Variants in ESRP1 observed in about 807,000 individuals in gnomAD.
ESRP1 encodes epithelial splicing regulatory protein 1.
ESRP1 carries 33 observed loss-of-function variants against 81.7 expected under a neutral mutation model. The ratio of observed to expected loss-of-function variants is 0.40; its 90% confidence interval spans 0.31 to 0.54. The LOEUF (loss-of-function observed/expected upper bound fraction) is 0.54, where lower values mean the gene tolerates loss of function less well. Ranked by LOEUF, ESRP1 falls within the 20% of genes least tolerant of loss-of-function variation. The pLI, the probability that ESRP1 is intolerant of heterozygous loss-of-function variation, is 0.41. For synonymous variants in ESRP1, 320 were observed against 303.3 expected, an observed-to-expected ratio of 1.06 and a Z score of -0.57; for missense variants, 672 against 833.1, an observed-to-expected ratio of 0.81 and a Z score of 2.38.
Position 94,667,982 on chromosome 8 carries a change from A to G in ESRP1, c.965A>G (p.Lys322Arg). ...AATGAGGTAGCCCAGTTTCTCTCCA[A>G]GGAAAATCAAGTCATTGTCCGCATG... The part of the protein sequence containing the change: ...TSNEVAQFLS[K>R]ENQVIVRMRG... Residue 322 changes from lysine (K) to arginine (R), a missense_variant, in exon 10 of 16, where the codon AAG becomes AGG. Coordinates refer to ENST00000433389, the MANE Select transcript of ESRP1 (RefSeq NM_017697.4). 6.2e-7 allele frequency: 1 copy of G among 1,608,202 alleles called. No homozygotes were observed. Among genetic ancestry groups the G allele is most frequent in the Non-Finnish European group, 8.5e-7 (1 of 1,176,716 alleles).
At position 94,696,894 on chromosome 8, in the gene ESRP1, A is replaced by C; in HGVS notation, c.2014A>C (p.Arg672=). ...DGLIHTNDQA[R]TLPKEWVCI Reference sequence around the variant, plus strand: ...ACTTATACACACAAATGACCAGGCCAGGACTCTACCCAAAGAATGGGTTTG... The same window carrying C: ...ACTTATACACACAAATGACCAGGCCCGGACTCTACCCAAAGAATGGGTTTG... Residue 672 remains arginine (R), a synonymous_variant, in exon 15 of 16, where the codon AGG becomes CGG. Transcript: ENST00000433389. 6.3e-7 allele frequency: 1 copy of C among 1,595,882 alleles called. No individual in the cohort carries two copies. Among genetic ancestry groups the C allele is most frequent in the Non-Finnish European group, 8.5e-7 (1 of 1,170,468 alleles).
At chr8:94,661,712 G>C (rs1818756712) in intron 4 of ESRP1, among the ~76,000 whole-genome samples, 1 of 152,160 alleles carries the variant, frequency 6.6e-6, no homozygotes, top group South Asian at 2.1e-4. Flanking sequence ...TTGCTGTCTA[G>C]AACTAGCATC....
At chr8:94,678,166 C>A in intron 12 of ESRP1, 37 bp from the exon 13 acceptor site, 1 of 1,607,634 alleles carries the variant, frequency 6.2e-7, no homozygotes, top group Non-Finnish European at 8.5e-7. Context: ...TCAGCTGTTA[C>A]AAATATGTCT....
chr8:94,653,636 T>G (rs898852005), intron 4 of ESRP1, among the ~76,000 whole-genome samples: 6 of 152,214 alleles, frequency 3.9e-5, no homozygotes, highest in Non-Finnish European at 5.9e-5. Flanking sequence ...GAGGTAGACC[T>G]TTCAAAGCAT....
At chr8:94,702,778 C>T (rs1317285441) in intron 15 of ESRP1, among the ~76,000 whole-genome samples, 1 of 152,124 alleles carries the variant, frequency 6.6e-6, no homozygotes, top group Admixed American at 6.6e-5. Flanking sequence ...CCGCCACGCC[C>T]AGCCTTCAAG....
intron 13 of ESRP1, among the ~76,000 whole-genome samples, chr8:94,684,623 T>C (rs12678311): frequency 0.31 from 47,310 of 152,026 alleles, 8,781 homozygotes; most frequent in East Asian, 0.56. Flanking sequence ...GATAATTAGA[T>C]TTTTCTGCAG....
At chr8:94,674,655 T>C (rs1399272325) in intron 12 of ESRP1, 149 bp downstream of exon 12, 2 of 652,226 alleles carry the variant, frequency 3.1e-6, no homozygotes, top group Non-Finnish European at 5.1e-6. Context: ...TAGTACCTGG[T>C]AATCATTTAA....
chr8:94,704,663 G>A (rs1415122668), intron 15 of ESRP1, among the ~76,000 whole-genome samples: 1 of 150,944 alleles, frequency 6.6e-6, no homozygotes, highest in Non-Finnish European at 1.5e-5. Flanking sequence ...TCAGGAGGCC[G>A]AGGTGGAGGA....
At position 94,674,390 on chromosome 8, in the gene ESRP1, A is replaced by T; in HGVS notation, c.1535A>T (p.Asn512Ile). The change falls in exon 12 of 16, where the codon AAC becomes ATC. Residue 512 changes from asparagine (N) to isoleucine (I), a missense_variant. Coordinates refer to ENST00000433389, the MANE Select transcript of ESRP1 (RefSeq NM_017697.4). ...GCTGCACAGAAGTGTCATAAAAAAA[A>T]CATGAAGGACAGATATGTTGAAGTC... ...FMAAQKCHKK[N>I]MKDRYVEVFQ... 1 of 1,614,026 alleles carries T rather than the reference A, an allele frequency of 6.2e-7. No individual in the cohort carries two copies. The highest frequency in any genetic ancestry group is 8.5e-7 in the Non-Finnish European group (1 of 1,179,890).
rs1222486400 is a variant in ESRP1, at chr8:94,642,036, C to T, written c.213C>T (p.Asp71=). 2 of 1,613,682 alleles carry T rather than the reference C, an allele frequency of 1.2e-6. No homozygotes were observed. Among genetic ancestry groups the T allele is most frequent in the African/African-American group, 1.3e-5 (1 of 74,948 alleles). The change falls in exon 2 of 16, where the codon GAC becomes GAT. Residue 71 remains aspartate, a synonymous_variant. Coordinates refer to ENST00000433389, the MANE Select transcript of ESRP1 (RefSeq NM_017697.4). ...ACTGCAAAGAAGAAACTAAAATAGACGTCGAAAGCCTGTCCTCGGCGTCGC... is the reference window on the plus strand; with the variant it reads ...ACTGCAAAGAAGAAACTAAAATAGATGTCGAAAGCCTGTCCTCGGCGTCGC... ...TEDCKEETKI[D]VESLSSASQL...
chr8:94,666,523 G>C (rs1042507722), intron 9 of ESRP1, among the ~76,000 whole-genome samples: 1 of 152,176 alleles, frequency 6.6e-6, no homozygotes, highest in African/African-American at 2.4e-5. Context: ...ACAGCCATTT[G>C]ACACCTATTG....
At chr8:94,664,296 G>A (rs528022887) in intron 6 of ESRP1, among the ~76,000 whole-genome samples, 4 of 152,066 alleles carry the variant, frequency 2.6e-5, no homozygotes, top group Non-Finnish European at 5.9e-5. Flanking sequence ...GCTAATTTCT[G>A]TAATTTTAGT....
chr8:94,674,651 C>T, intron 12 of ESRP1, 145 bp downstream of exon 12: 2 of 665,774 alleles, frequency 3.0e-6, no homozygotes, highest in Non-Finnish European at 4.9e-6. Flanking sequence ...TCAGTAGTAC[C>T]TGGTAATCAT....
chr8:94,705,999 C>T lies in ESRP1; in HGVS notation c.*110C>T. On this transcript the variant is annotated 3_prime_UTR_variant, in exon 16 of 16. Coordinates refer to ENST00000433389, the MANE Select transcript of ESRP1 (RefSeq NM_017697.4). ...TCTAGCAAATTCAGGGGAAGTTTGT[C>T]TACACTCAGGCTGCAGTATTTTCAG... 1 of 1,484,350 alleles carries T rather than the reference C, an allele frequency of 6.7e-7. No homozygotes were observed. Among genetic ancestry groups the T allele is most frequent in the Non-Finnish European group, 9.1e-7 (1 of 1,104,140 alleles). 91.9% of individuals were successfully genotyped at this position (1,484,350 alleles called of 1,614,324 possible). A position where few individuals can be genotyped will look rare whatever the true frequency, so the allele number is the denominator to read the frequency against.
chr8:94,660,745 C>CAAAAAAAA (rs1563525328), intron 4 of ESRP1, among the ~76,000 whole-genome samples: 1 of 73,906 alleles, frequency 1.4e-5, no homozygotes, highest in African/African-American at 4.4e-5. Flanking sequence ...AAAAAAAAAC[C>CAAAAAAAA]AAAACAAACA....
chr8:94,671,656 G>A lies in ESRP1; in HGVS notation c.1437G>A (p.Met479Ile), dbSNP rs1234250476. ...ATATTCGTACTCATGGGGTTCACAT[G>A]GTTTTGAATCACCAGGTAAGAAAGA... ...ATDIRTHGVHMVLNHQGRPSG... is the reference protein window; with the variant it reads ...ATDIRTHGVHIVLNHQGRPSG... The change falls in exon 11 of 16, where the codon ATG becomes ATA. Residue 479 changes from methionine to isoleucine, a missense_variant. Transcript: ENST00000433389. The A allele has an allele frequency of 1.2e-6, 2 of 1,613,424 alleles. No individual in the cohort carries two copies. Among genetic ancestry groups the A allele is most frequent in the East Asian group, 4.5e-5 (2 of 44,872 alleles).
At chr8:94,652,786 A>G (rs960655576) in intron 4 of ESRP1, among the ~76,000 whole-genome samples, 3 of 152,168 alleles carry the variant, frequency 2.0e-5, no homozygotes, top group African/African-American at 4.8e-5. Context: ...AAAACTATCA[A>G]TTGACTTCTT....
At chr8:94,701,070 C>T (rs962703978) in intron 15 of ESRP1, among the ~76,000 whole-genome samples, 4 of 151,074 alleles carry the variant, frequency 2.6e-5, no homozygotes, top group African/African-American at 4.9e-5. Flanking sequence ...GTCAGGAGTT[C>T]GAGACCAGTC....
chr8:94,705,946 T>A lies in ESRP1; in HGVS notation c.*57T>A, dbSNP rs749833213. The A allele has an allele frequency of 1.2e-5, 19 of 1,528,780 alleles. 1 individual carries two copies. The South Asian group carries it at 2.3e-4, about 18-fold the overall frequency. 94.7% of individuals were successfully genotyped at this position (1,528,780 alleles called of 1,614,324 possible). On this transcript the variant is annotated 3_prime_UTR_variant, in exon 16 of 16. Transcript: ENST00000433389. ...TCAGTGTTTGAAAGATGTATGGTGA[T>A]CTTGAAACCTCCAGACACAAGAAAA...
Sources: gnomAD v4.1 joint callset for allele counts (sites outside exome capture counted in the v4.1 genomes callset) on GRCh38, gnomAD v4.1.1 for gene constraint, MANE v1.5 for transcripts, NCBI Gene and HGNC (gene_info 2026-07-23, HGNC 2026-07-21) for gene names.